OTOGL: variants seen among roughly 807,000 people sequenced by gnomAD.
The protein encoded by OTOGL is otogelin like.
Under a neutral mutation model 318.5 loss-of-function variants are expected in OTOGL, and 285 were observed. That is an observed-to-expected ratio of 0.89 (90% CI 0.81 to 0.99). OTOGL has a LOEUF of 0.99. Ranked by LOEUF, OTOGL falls within the 50% of genes least tolerant of loss-of-function variation. The probability of loss-of-function intolerance (pLI) is 0.00; values close to 1 mark genes in which losing one functional copy is unlikely to be tolerated. For missense variants in OTOGL, 2,899 were observed against 2,845.6 expected (o/e 1.02, Z -0.43); for synonymous variants, 987 against 936.5 (o/e 1.05, Z -0.99).
chr12:80,198,010 T>C (rs1876199533), intron 1 of OTOGL, among the ~76,000 whole-genome samples: 2 of 152,214 alleles, frequency 1.3e-5, no homozygotes, highest in Non-Finnish European at 2.9e-5. Context: ...TTGAAGCTGA[T>C]TATTATATAT....
In OTOGL at chr12:80,292,955, G is replaced by A. The variant is rs577763805; in HGVS notation, c.2929-3872G>A. On this transcript the variant is annotated intron_variant, in intron 26 of 58. Transcript: ENST00000547103. ...CTAATACCCAAAAAGTTAGTTTGAG[G>A]CCAAAAGACTGAATTTAGAATTTGG... 2.0e-5 allele frequency among the ~76,000 whole-genome samples: 3 copies of A among 152,176 alleles called. No homozygotes were observed. The East Asian group carries it at 5.8e-4, about 29-fold the overall frequency.
intron 24 of OTOGL, among the ~76,000 whole-genome samples, chr12:80,277,782 C>G (rs778275390): frequency 5.3e-5 from 8 of 151,418 alleles, no homozygotes; most frequent in Non-Finnish European, 1.0e-4. Flanking sequence ...TTTACTATTT[C>G]ATCAGAAAAT....
In OTOGL at chr12:80,353,372, TG is replaced by T. The variant is rs1465680613; in HGVS notation, c.5456del (p.Cys1819LeufsTer7). On this transcript the variant is annotated frameshift_variant, in exon 46 of 59. Coordinates refer to ENST00000547103, the MANE Select transcript of OTOGL (RefSeq NM_001378609.3). LOFTEE classifies it high-confidence loss of function. The part of the protein sequence containing the change: ...GKEYQPCVRP[C>X]EARTCLNQWF... ...GGAATATCAACCCTGTGTGCGACCT[TG>T]TGAAGCAAGAACATGCCTGAACCAA... 2 of 1,601,060 alleles carry T rather than the reference TG, an allele frequency of 1.2e-6. No homozygotes were observed. Among genetic ancestry groups the T allele is most frequent in the Non-Finnish European group, 1.7e-6 (2 of 1,173,536 alleles).
intron 1 of OTOGL, among the ~76,000 whole-genome samples, chr12:80,153,791 A>T (rs545551346): frequency 7.2e-5 from 11 of 152,262 alleles, no homozygotes; most frequent in African/African-American, 2.6e-4. Context: ...AGAATGTCAC[A>T]TAGTTGGAAT....
chr12:80,286,021 C>T (rs1344950701), intron 26 of OTOGL, among the ~76,000 whole-genome samples: 1 of 152,104 alleles, frequency 6.6e-6, no homozygotes, highest in Non-Finnish European at 1.5e-5. Flanking sequence ...TCATAAATAG[C>T]ATTTATTATT....
At chr12:80,323,368 G>T (rs1028874147) in intron 34 of OTOGL, among the ~76,000 whole-genome samples, 3 of 152,118 alleles carry the variant, frequency 2.0e-5, no homozygotes, top group African/African-American at 7.2e-5. Context: ...TTAGTTTTTG[G>T]CCAGGTGCAG....
intron 29 of OTOGL, among the ~76,000 whole-genome samples, chr12:80,309,182 C>T (rs560827862): frequency 6.6e-6 from 1 of 152,208 alleles, no homozygotes; most frequent in South Asian, 2.1e-4. Context: ...TACATACAGA[C>T]ACATAATATG....
At chr12:80,353,293 C>T (rs1889667744) in intron 45 of OTOGL, 32 bp from the exon 46 acceptor site, 9 of 1,306,368 alleles carry the variant, frequency 6.9e-6, no homozygotes, top group Non-Finnish European at 9.0e-6. Flanking sequence ...TTACTTTTAT[C>T]ATTAGCAAAT....
rs532886276 is a variant in OTOGL at position 80,371,877 on chromosome 12, ATAGT to A, written c.6736-139_6736-136del. The A allele has an allele frequency of 1.4e-3, 611 of 440,568 alleles. 4 individuals are homozygous for A. Among genetic ancestry groups the A allele is most frequent in the African/African-American group, 0.012 (567 of 48,030 alleles). The allele number at this position is 440,568 out of a possible 1,614,324, so 27.3% of individuals were successfully genotyped here. On this transcript the variant is annotated intron_variant, in intron 56 of 58. Transcript: ENST00000547103. The stretch of plus-strand genomic sequence containing the variant: ...TTTTAAAAACAAGTTCTTTTTAGTA[ATAGT>A]TAAATTCCAACTATTTTTCTATGAA...
chr12:80,277,227 TTATTA>T (rs1457719388), intron 24 of OTOGL, among the ~76,000 whole-genome samples: 1 of 146,798 alleles, frequency 6.8e-6, no homozygotes, highest in Non-Finnish European at 1.5e-5. Context: ...TTTTATATAT[TTATTA>T]TATTTATAAT....
At chr12:80,115,232 T>C (rs1486443001) in intron 1 of OTOGL, among the ~76,000 whole-genome samples, 5 of 152,154 alleles carry the variant, frequency 3.3e-5, no homozygotes, top group Non-Finnish European at 7.3e-5. Flanking sequence ...TTCGTGGTTT[T>C]ATCTACCTTT....
chr12:80,378,230 T>C lies in OTOGL; in HGVS notation c.*182T>C. 7.7e-6 allele frequency: 4 copies of C among 520,448 alleles called. No individual in the cohort carries two copies. 32.2% of individuals were successfully genotyped at this position (520,448 alleles called of 1,614,324 possible). Reference sequence around the variant, plus strand: ...ACAGTTTCAATAGCAAAATTAAATTTATTGCTTTACTCTATTTTAGAAAAT... The same window carrying C: ...ACAGTTTCAATAGCAAAATTAAATTCATTGCTTTACTCTATTTTAGAAAAT... On this transcript the variant is annotated 3_prime_UTR_variant, in exon 59 of 59. Transcript: ENST00000547103.
chr12:80,350,640 C>A (rs1266924702), intron 44 of OTOGL, among the ~76,000 whole-genome samples: 1 of 152,052 alleles, frequency 6.6e-6, no homozygotes, highest in Non-Finnish European at 1.5e-5. Context: ...TTAATTTGTA[C>A]TTTTCTGATG....
rs34113015 is a variant in OTOGL, at chr12:80,366,690, GT to G, written c.6331+59del. ...TTATAAATGAATATCATTAGTATCT[GT>G]TTTTTCACTATTAATAAGTTAAAAA... On this transcript the variant is annotated intron_variant, in intron 53 of 58. Transcript: ENST00000547103. 665,918 of 723,820 alleles carry G rather than the reference GT, an allele frequency of 0.92. 307,952 individuals are homozygous for G. Among genetic ancestry groups the G allele is most frequent in the East Asian group, 1 (26,803 of 26,808 alleles). The allele number at this position is 723,820 out of a possible 1,614,324, so 44.8% of individuals were successfully genotyped here.
intron 11 of OTOGL, among the ~76,000 whole-genome samples, chr12:80,248,863 T>A (rs998743259): frequency 6.8e-4 from 101 of 149,158 alleles, no homozygotes; most frequent in Non-Finnish European, 1.3e-3. Flanking sequence ...TTTGCTCATT[T>A]CTTTTTATTC....
intron 1 of OTOGL, among the ~76,000 whole-genome samples, chr12:80,119,795 C>T (rs1049865199): frequency 6.6e-6 from 1 of 152,120 alleles, no homozygotes; most frequent in Non-Finnish European, 1.5e-5. Context: ...TCATTAAATT[C>T]TTCAATTTTA....
rs1873064887 is a variant in OTOGL, at chr12:80,155,643, T to C, written c.-19-53770T>C. 2.0e-5 allele frequency among the ~76,000 whole-genome samples: 3 copies of C among 152,218 alleles called. No homozygotes were observed. The South Asian group carries it at 6.2e-4, about 31-fold the overall frequency. ...ACAATCTAATTATAATCTTAGTTATTTTTAAATGTACAATTAAATTATTAT... is the reference window on the plus strand; with the variant it reads ...ACAATCTAATTATAATCTTAGTTATCTTTAAATGTACAATTAAATTATTAT... On this transcript the variant is annotated intron_variant, in intron 1 of 58. Transcript: ENST00000547103.
intron 11 of OTOGL, among the ~76,000 whole-genome samples, chr12:80,248,560 G>T (rs1565927140): frequency 7.7e-6 from 1 of 129,800 alleles, no homozygotes; most frequent in African/African-American, 3.3e-5. Flanking sequence ...GCTTCCCTTT[G>T]AGGGTAACCC....
At chr12:80,322,264 A>C (rs917434115) in intron 34 of OTOGL, among the ~76,000 whole-genome samples, 2 of 152,170 alleles carry the variant, frequency 1.3e-5, no homozygotes, top group African/African-American at 4.8e-5. Flanking sequence ...TGCTTACTTC[A>C]GTTTACCTAC....
Sources: gnomAD v4.1 joint callset for allele counts (sites outside exome capture counted in the v4.1 genomes callset) on GRCh38, gnomAD v4.1.1 for gene constraint, MANE v1.5 for transcripts, NCBI Gene and HGNC (gene_info 2026-07-23, HGNC 2026-07-21) for gene names.